The following GTF2I variants were observed in gnomAD, a reference collection of about 807,000 sequenced individuals.
GTF2I encodes the protein general transcription factor IIi, also known as general transcription factor II-I.
In GTF2I, 12 loss-of-function variants were observed where a neutral mutation model predicts 67.6. The ratio of observed to expected loss-of-function variants is 0.18; its 90% CI spans 0.11 to 0.29. The LOEUF (loss-of-function observed/expected upper bound fraction) is 0.29. Ranked by LOEUF, GTF2I falls within the 10% of genes least tolerant of loss-of-function variation. The pLI is 1.00. For synonymous variants in GTF2I, 149 were observed against 197.0 expected (o/e 0.76, Z 2.04); for missense variants, 271 against 580.1 (o/e 0.47, Z 5.47).
chr7:74,674,089 T>A (rs1387041790), intron 1 of GTF2I, among the ~76,000 whole-genome samples: 8 of 110,056 alleles, frequency 7.3e-5, no homozygotes, highest in Non-Finnish European at 1.1e-4. Flanking sequence ...TTTTTTTTTT[T>A]AACAGGGTCT....
intron 1 of GTF2I, among the ~76,000 whole-genome samples, chr7:74,658,283 C>T (rs1221978820): frequency 6.7e-6 from 1 of 150,090 alleles, no homozygotes; most frequent in South Asian, 2.1e-4. Context: ...CGAGCCCCGC[C>T]GGCCTTGGCA....
chr7:74,698,340 T>G (rs2131327801), intron 3 of GTF2I, among the ~76,000 whole-genome samples: 1 of 145,270 alleles, frequency 6.9e-6, no homozygotes, highest in East Asian at 2.1e-4. Flanking sequence ...TCTGCCAGCC[T>G]CAGCCTCCCA....
At chr7:74,695,356 C>T (rs1302798935) in intron 3 of GTF2I, among the ~76,000 whole-genome samples, 1 of 152,200 alleles carries the variant, frequency 6.6e-6, no homozygotes, top group Non-Finnish European at 1.5e-5. Context: ...AATAGCCTCA[C>T]ACTACAGAGA....
At chr7:74,684,427 C>T (rs1554394894) in intron 1 of GTF2I, among the ~76,000 whole-genome samples, 1 of 152,192 alleles carries the variant, frequency 6.6e-6, no homozygotes, top group Non-Finnish European at 1.5e-5. Context: ...TCAGATGCTT[C>T]CTAAGCTGGC....
In GTF2I at chr7:74,709,048, G is replaced by C. The variant is rs188002475; in HGVS notation, c.686-1984G>C. Among the ~76,000 whole-genome samples, 616 of 152,256 alleles carry C rather than the reference G, an allele frequency of 4.0e-3. 2 individuals carry two copies. Among genetic ancestry groups the C allele is most frequent in the Non-Finnish European group, 6.3e-3 (428 of 68,028 alleles). ...TGCAAACCTATTTGAGTAATCTCTA[G>C]TCTAATGGACAAATGGAAAGGAAAC... On this transcript the variant is annotated intron_variant, in intron 8 of 34. Transcript: ENST00000573035.
Position 74,728,300 on chromosome 7 carries a change from TCAAAAA to T in GTF2I, c.944-461_944-456del, listed in dbSNP as rs587625776. 7.2e-3 allele frequency among the ~76,000 whole-genome samples: 1,091 copies of T among 152,040 alleles called. 13 individuals are homozygous for T. Among genetic ancestry groups the T allele is most frequent in the African/African-American group, 0.024 (990 of 41,358 alleles). ...CTGGGCAACAGAACAATTCTCTGTCTCAAAAACAAAAACAAAAACAAAAACAAAAAA... is the reference window on the plus strand; with the variant it reads ...CTGGGCAACAGAACAATTCTCTGTCTCAAAAACAAAAACAAAAACAAAAAA... On this transcript the variant is annotated intron_variant, in intron 12 of 34. Transcript: ENST00000573035.
In GTF2I at chr7:74,699,108, G is replaced by T; in HGVS notation, c.373+13G>T. 2 of 1,427,154 alleles carry T rather than the reference G, an allele frequency of 1.4e-6. No homozygotes were observed. The highest frequency in any genetic ancestry group is 1.9e-6 in the Non-Finnish European group (2 of 1,066,180). The allele number at this position is 1,427,154 out of a possible 1,614,324, so 88.4% of individuals were successfully genotyped here. A position where few individuals can be genotyped will look rare whatever the true frequency, so the allele number is the denominator to read the frequency against. ...TGCTTTTGCTATGGTAAAAACAATAGATTTAATTTTTCTAAAAGATACATT... is the reference window on the plus strand; with the variant it reads ...TGCTTTTGCTATGGTAAAAACAATATATTTAATTTTTCTAAAAGATACATT... On this transcript the variant is annotated intron_variant, in intron 4 of 34. Transcript: ENST00000573035.
Position 74,714,947 on chromosome 7 carries a change from T to C in GTF2I, c.823+31T>C, listed in dbSNP as rs587730834. 531 of 1,382,738 alleles carry C rather than the reference T, an allele frequency of 3.8e-4. 3 individuals carry two copies. The South Asian group carries it at 6.3e-3, about 17-fold the overall frequency. 85.7% of individuals were successfully genotyped at this position (1,382,738 alleles called of 1,614,324 possible). A position where few individuals can be genotyped will look rare whatever the true frequency, so the allele number is the denominator to read the frequency against. On this transcript the variant is annotated intron_variant, in intron 10 of 34. Coordinates refer to ENST00000573035, the MANE Select transcript of GTF2I (RefSeq NM_032999.4). ...ATCTTTTCACTTCCATTCTCCCACA[T>C]ACTGCTTGTGTTTAATGTTTCCTTA...
At chr7:74,705,631 C>T (rs1457638680) in intron 7 of GTF2I, among the ~76,000 whole-genome samples, 2 of 150,878 alleles carry the variant, frequency 1.3e-5, no homozygotes, top group Non-Finnish European at 2.9e-5. Flanking sequence ...GATCTCGGCT[C>T]ACTGCAACCT....
At chr7:74,733,069 C>T (rs1382854496) in intron 15 of GTF2I, among the ~76,000 whole-genome samples, 1 of 140,042 alleles carries the variant, frequency 7.1e-6, no homozygotes, top group African/African-American at 2.6e-5. Flanking sequence ...CAGGTTCAAG[C>T]GATTCTCATG....
intron 1 of GTF2I, among the ~76,000 whole-genome samples, chr7:74,681,478 G>A (rs1787268368): frequency 6.6e-6 from 1 of 152,002 alleles, no homozygotes; most frequent in South Asian, 2.1e-4. Flanking sequence ...TGGGAAAGAA[G>A]GCATACCAGG....
At chr7:74,718,977 T>G (rs781796485) in intron 12 of GTF2I, 36 bp downstream of exon 12, 2 of 1,092,552 alleles carry the variant, frequency 1.8e-6, no homozygotes, top group Non-Finnish European at 2.7e-6. Flanking sequence ...CAAAGTTTAC[T>G]TCTGGTCATA....
At chr7:74,672,405 A>G (rs1805542379) in intron 1 of GTF2I, among the ~76,000 whole-genome samples, 1 of 151,880 alleles carries the variant, frequency 6.6e-6, no homozygotes, top group Non-Finnish European at 1.5e-5. Flanking sequence ...GCCAGGAGTG[A>G]TGGTGCACCC....
chr7:74,677,593 C>T (rs1806006934), intron 1 of GTF2I, among the ~76,000 whole-genome samples: 2 of 151,414 alleles, frequency 1.3e-5, no homozygotes, highest in South Asian at 4.2e-4. Flanking sequence ...ACCAGCCTGG[C>T]CAACATGCTG....
At chr7:74,721,904 A>T (rs1793055351) in intron 12 of GTF2I, among the ~76,000 whole-genome samples, 1 of 151,934 alleles carries the variant, frequency 6.6e-6, no homozygotes, top group Non-Finnish European at 1.5e-5. Flanking sequence ...GAAAAGCAAA[A>T]GTGCATCTAG....
At chr7:74,720,342 T>A (rs1792792755) in intron 12 of GTF2I, among the ~76,000 whole-genome samples, 2 of 152,210 alleles carry the variant, frequency 1.3e-5, no homozygotes, top group South Asian at 4.1e-4. Flanking sequence ...ACTTGGTTAT[T>A]TCTAGTGTTT....
chr7:74,679,797 T>C (rs1787053453), intron 1 of GTF2I, among the ~76,000 whole-genome samples: 1 of 151,940 alleles, frequency 6.6e-6, no homozygotes, highest in Admixed American at 6.6e-5. Context: ...GAACTAACTC[T>C]AGGCTGTGCA....
At chr7:74,683,363 T>C (rs1488320456) in intron 1 of GTF2I, among the ~76,000 whole-genome samples, 1 of 152,168 alleles carries the variant, frequency 6.6e-6, no homozygotes, top group Admixed American at 6.6e-5. Flanking sequence ...ATAACCTTAG[T>C]GTGCTGAAAG....
At chr7:74,694,735 G>A (rs781872945) in intron 3 of GTF2I, among the ~76,000 whole-genome samples, 9 of 152,288 alleles carry the variant, frequency 5.9e-5, no homozygotes, top group African/African-American at 1.7e-4. Flanking sequence ...GATTTTCAAC[G>A]TAGACAAAAC....
Sources: gnomAD v4.1 joint callset for allele counts (sites outside exome capture counted in the v4.1 genomes callset) on GRCh38, gnomAD v4.1.1 for gene constraint, MANE v1.5 for transcripts, NCBI Gene and HGNC (gene_info 2026-07-23, HGNC 2026-07-21) for gene names.